The following SLIT3 variants were observed in gnomAD, a reference collection of about 807,000 sequenced individuals.
SLIT3 encodes slit homolog 3 protein.
SLIT3 carries 68 observed loss-of-function variants against 184.0 expected under a neutral mutation model. The ratio of observed to expected loss-of-function variants is 0.37; its 90% CI spans 0.30 to 0.45. The LOEUF is 0.45. Among genes scored for constraint, SLIT3 ranks in the 20% least tolerant of loss-of-function variants. The pLI, the probability that SLIT3 is intolerant of heterozygous loss-of-function variation, is 1.00. For missense variants in SLIT3, 1,707 were observed against 2,026.0 expected (o/e 0.84, Z 3.02); for synonymous variants, 831 against 828.6 (o/e 1.00, Z -0.05).
intron 4 of SLIT3, among the ~76,000 whole-genome samples, chr5:169,180,877 C>A (rs1763130920): frequency 6.6e-6 from 1 of 152,198 alleles, no homozygotes; most frequent in African/African-American, 2.4e-5. Context: ...CCCTTGAGAA[C>A]TGGTGGTTGG....
intron 6 of SLIT3, among the ~76,000 whole-genome samples, chr5:168,826,129 C>T (rs1757697430): frequency 2.0e-5 from 3 of 152,250 alleles, no homozygotes; most frequent in South Asian, 4.1e-4. Context: ...ACTATAACTG[C>T]ATCCGGCAGT....
intron 4 of SLIT3, among the ~76,000 whole-genome samples, chr5:169,143,441 G>A (rs12522564): frequency 0.18 from 27,477 of 152,210 alleles, 2,567 homozygotes; most frequent in South Asian, 0.28. Flanking sequence ...TGACACCAAA[G>A]TCGATGCCCT....
chr5:169,107,580 G>A (rs1401617444), intron 4 of SLIT3, among the ~76,000 whole-genome samples: 2 of 152,234 alleles, frequency 1.3e-5, no homozygotes, highest in African/African-American at 4.8e-5. Context: ...AGGCATGGCG[G>A]GGCTTTTTAG....
At chr5:168,907,817 G>A (rs1181135659) in intron 4 of SLIT3, among the ~76,000 whole-genome samples, 1 of 150,384 alleles carries the variant, frequency 6.6e-6, no homozygotes, top group East Asian at 1.9e-4. Context: ...TATAGAGAAC[G>A]AGGTTTCATT....
At chr5:169,242,647 T>G (rs1765440998) in intron 3 of SLIT3, among the ~76,000 whole-genome samples, 1 of 152,182 alleles carries the variant, frequency 6.6e-6, no homozygotes, top group African/African-American at 2.4e-5. Flanking sequence ...AGAGGCCTTA[T>G]CAGGAATGCC....
chr5:169,023,849 T>C (rs958564871), intron 4 of SLIT3: 3 of 152,134 alleles, frequency 2.0e-5, no homozygotes, highest in African/African-American at 7.2e-5. Context: ...GAGCTGGTAT[T>C]ATGAAGTCAG....
rs566435234 is a variant in SLIT3 at position 169,097,700 on chromosome 5, C to T, written c.413+95779G>A. The stretch of plus-strand genomic sequence containing the variant: ...GGGGCTGTTGGAGGAGGCAGTCAGG[C>T]GCAGCAGCAGTAGCAGGAGGGCTGT... On this transcript the variant is annotated intron_variant, in intron 4 of 35. Transcript: ENST00000519560. 2.9e-3 allele frequency among the ~76,000 whole-genome samples: 437 copies of T among 152,254 alleles called. 4 individuals carry two copies. Among genetic ancestry groups the T allele is most frequent in the African/African-American group, 9.1e-3 (379 of 41,552 alleles).
At chr5:169,096,417 G>A (rs762676735) in intron 4 of SLIT3, among the ~76,000 whole-genome samples, 15 of 152,160 alleles carry the variant, frequency 9.9e-5, no homozygotes, top group Non-Finnish European at 1.8e-4. Context: ...TCTGCAAAGG[G>A]CCAGATAGAA....
intron 4 of SLIT3, among the ~76,000 whole-genome samples, chr5:168,897,427 G>C (rs1760705823): frequency 6.6e-6 from 1 of 152,082 alleles, no homozygotes; most frequent in Non-Finnish European, 1.5e-5. Flanking sequence ...GAGAGAGAGA[G>C]AGAGACAGAG....
chr5:169,195,690 C>T (rs375345591), intron 3 of SLIT3, among the ~76,000 whole-genome samples: 1 of 152,116 alleles, frequency 6.6e-6, no homozygotes, highest in Non-Finnish European at 1.5e-5. Context: ...CCATGCCTGG[C>T]TAATTTTTGT....
intron 3 of SLIT3, among the ~76,000 whole-genome samples, chr5:169,207,630 T>C (rs968882410): frequency 6.6e-6 from 1 of 152,216 alleles, no homozygotes; most frequent in East Asian, 1.9e-4. Flanking sequence ...TAAGAACGGC[T>C]AAATGACCTG....
At chr5:168,761,048 A>T in intron 15 of SLIT3, 112 bp from the exon 16 acceptor site, 1 of 783,914 alleles carries the variant, frequency 1.3e-6, no homozygotes, top group Non-Finnish European at 2.2e-6. Context: ...GAAGGACCAC[A>T]GAGCCATCGG....
chr5:169,215,671 C>T (rs1581064239), intron 3 of SLIT3, among the ~76,000 whole-genome samples: 1 of 152,320 alleles, frequency 6.6e-6, no homozygotes, highest in East Asian at 1.9e-4. Context: ...CCCTGCCCAT[C>T]TCCCTGGCCC....
chr5:168,907,470 G>A (rs1383859278), intron 4 of SLIT3, among the ~76,000 whole-genome samples: 3 of 152,192 alleles, frequency 2.0e-5, no homozygotes, highest in Non-Finnish European at 1.5e-5. Flanking sequence ...AAAAGGCCAG[G>A]AAGGTAGTGT....
chr5:169,182,352 CTGT>C lies in SLIT3; in HGVS notation c.413+11124_413+11126del, dbSNP rs1380585476. Among the ~76,000 whole-genome samples the C allele has an allele frequency of 3.9e-5, 6 of 152,212 alleles. No homozygotes were observed. The South Asian group carries it at 1.2e-3, about 32-fold the overall frequency. On this transcript the variant is annotated intron_variant, in intron 4 of 35. Transcript: ENST00000519560. ...ACAGTGCTGTGTTATCATAGCTTTG[CTGT>C]TGTTAATATTGTATCAACACTTTCA...
intron 4 of SLIT3, among the ~76,000 whole-genome samples, chr5:169,014,985 TG>T (rs1469581953): frequency 5.3e-5 from 8 of 151,840 alleles, no homozygotes; most frequent in Non-Finnish European, 1.0e-4. Context: ...CCTCAGAAGG[TG>T]GCAATAATGA....
At chr5:169,149,210 T>C (rs1762033560) in intron 4 of SLIT3, among the ~76,000 whole-genome samples, 1 of 152,212 alleles carries the variant, frequency 6.6e-6, no homozygotes, top group African/African-American at 2.4e-5. Context: ...GAAATGACGC[T>C]AACAGATTTT....
chr5:168,952,594 G>C (rs547184540), intron 4 of SLIT3, among the ~76,000 whole-genome samples: 1,525 of 141,908 alleles, frequency 0.011, 32 homozygotes, highest in African/African-American at 0.042. Flanking sequence ...AAAAGACAGA[G>C]AGGGAGAGAA....
intron 4 of SLIT3, among the ~76,000 whole-genome samples, chr5:169,068,365 G>T (rs1758428889): frequency 6.6e-6 from 1 of 152,170 alleles, no homozygotes; most frequent in Non-Finnish European, 1.5e-5. Context: ...AAATAGACTG[G>T]TTAAGAATTT....
Sources: gnomAD v4.1 joint callset for allele counts (sites outside exome capture counted in the v4.1 genomes callset) on GRCh38, gnomAD v4.1.1 for gene constraint, MANE v1.5 for transcripts, NCBI Gene and HGNC (gene_info 2026-07-23, HGNC 2026-07-21) for gene names.